The following FBN2 variants were observed in gnomAD, a reference collection of about 807,000 sequenced individuals.
The protein encoded by FBN2 is fibrillin 2.
In FBN2, 105 loss-of-function variants were observed where a neutral mutation model predicts 355.6. The observed-to-expected ratio is 0.30, with a 90% CI of 0.25 to 0.35. The LOEUF (loss-of-function observed/expected upper bound fraction) is 0.35, where lower values mean the gene tolerates loss of function less well. Among genes scored for constraint, FBN2 ranks in the 10% least tolerant of loss-of-function variants. The pLI is 1.00. For synonymous variants in FBN2, 1,350 were observed against 1,301.2 expected (o/e 1.04, Z -0.81); for missense variants, 3,280 against 3,758.7 (o/e 0.87, Z 3.33).
Position 128,376,861 on chromosome 5 carries a change from AGAGGATT to A in FBN2, c.1850-15_1850-9del, listed in dbSNP as rs1314516057. ...TTGTACATTCATCATGATCTGCAGA[AGAGGATT>A]GAGTGACTTTGAACACTGGCCTTGA... On this transcript the variant is annotated splice_polypyrimidine_tract_variant and intron_variant, in intron 13 of 64. Transcript: ENST00000262464. 6.2e-7 allele frequency: 1 copy of A among 1,612,922 alleles called. No homozygotes were observed. The highest frequency in any genetic ancestry group is 8.5e-7 in the Non-Finnish European group (1 of 1,179,398).
intron 5 of FBN2, among the ~76,000 whole-genome samples, chr5:128,503,459 G>A (rs1330124828): frequency 3.3e-5 from 5 of 152,168 alleles, no homozygotes; most frequent in African/African-American, 1.2e-4. Context: ...GAAGATGTGG[G>A]AAAGTTTGGA....
At chr5:128,498,767 T>C (rs1755725301) in intron 5 of FBN2, among the ~76,000 whole-genome samples, 1 of 152,140 alleles carries the variant, frequency 6.6e-6, no homozygotes, top group African/African-American at 2.4e-5. Flanking sequence ...GTGTGCAGGG[T>C]TACATTCCTT....
At chr5:128,494,847 T>C (rs180972324) in intron 5 of FBN2, among the ~76,000 whole-genome samples, 3 of 152,180 alleles carry the variant, frequency 2.0e-5, no homozygotes, top group African/African-American at 7.2e-5. Flanking sequence ...TGCTGCAGTA[T>C]CTTATTTTAA....
rs1320679161 is a variant in FBN2, at chr5:128,337,795, C to T, written c.3598+202G>A. The stretch of plus-strand genomic sequence containing the variant: ...GGCTTGTTATAAAAAAAGAGGCCAA[C>T]CAGAAGAATGCCAGCTTATTCGAGT... On this transcript the variant is annotated intron_variant, in intron 27 of 64. Coordinates refer to ENST00000262464, the MANE Select transcript of FBN2 (RefSeq NM_001999.4). Among the ~76,000 whole-genome samples the T allele has an allele frequency of 7.9e-5, 12 of 152,288 alleles. 2 individuals carry two copies. In the South Asian group the frequency reaches 1.7e-3, roughly 21 times the overall value.
At chr5:128,493,183 C>T (rs563419382) in intron 5 of FBN2, among the ~76,000 whole-genome samples, 5 of 152,204 alleles carry the variant, frequency 3.3e-5, no homozygotes, top group Admixed American at 3.3e-4. Flanking sequence ...ATGAGGGATT[C>T]TGAGAGGGGG....
intron 7 of FBN2, among the ~76,000 whole-genome samples, chr5:128,439,070 A>G (rs552897221): frequency 6.6e-6 from 1 of 152,330 alleles, no homozygotes; most frequent in South Asian, 2.1e-4. Context: ...ATCAATATAT[A>G]AAGTGTCTGC....
intron 6 of FBN2, among the ~76,000 whole-genome samples, chr5:128,451,448 G>T (rs1040094979): frequency 2.0e-5 from 3 of 152,110 alleles, no homozygotes; most frequent in South Asian, 2.1e-4. Context: ...TGCCCAGGTT[G>T]GAGTGCAATG....
At chr5:128,489,471 C>T (rs367775568) in intron 5 of FBN2, among the ~76,000 whole-genome samples, 2 of 152,082 alleles carry the variant, frequency 1.3e-5, no homozygotes, top group Non-Finnish European at 2.9e-5. Flanking sequence ...TATCTTTTCA[C>T]TTAAACATTT....
rs775848753 is a variant in FBN2 at position 128,274,618 on chromosome 5, A to C, written c.7660T>G (p.Phe2554Val). 42 of 1,612,884 alleles carry C rather than the reference A, an allele frequency of 2.6e-5. No homozygotes were observed. The Admixed American group carries it at 4.5e-4, about 17-fold the overall frequency. ...AAACCAGGTGGACATTTACAGGTAA[A>C]CCCCCCCAGGGTGTTGACACAGAGG... Reference protein sequence around the residue: ...QFLCVNTLGGFTCKCPPGFTQ... With the variant: ...QFLCVNTLGGVTCKCPPGFTQ... The change falls in exon 60 of 65, where the codon TTT (phenylalanine) becomes GTT (valine). Residue 2554 changes from phenylalanine (F) to valine (V), a missense_variant. This residue lies in a region of FBN2 where 2,284 missense variants were observed against 2,749.5 expected (regional missense o/e 0.83). Transcript: ENST00000262464.
chr5:128,327,417 G>T (rs994085644), intron 34 of FBN2, among the ~76,000 whole-genome samples: 1 of 152,100 alleles, frequency 6.6e-6, no homozygotes, highest in Non-Finnish European at 1.5e-5. Flanking sequence ...ATTTGGTTTT[G>T]TTTGGTTGAT....
chr5:128,269,566 A>G (rs1765213125), intron 62 of FBN2, among the ~76,000 whole-genome samples: 1 of 152,184 alleles, frequency 6.6e-6, no homozygotes, highest in Non-Finnish European at 1.5e-5. Context: ...AAGAATCACA[A>G]GCATTCCTAT....
intron 11 of FBN2, among the ~76,000 whole-genome samples, chr5:128,384,489 C>G (rs958854707): frequency 1.3e-5 from 2 of 152,070 alleles, no homozygotes; most frequent in African/African-American, 4.8e-5. Context: ...GTTTAAAAAT[C>G]TGCACAATAC....
chr5:128,501,957 A>G (rs1755828563), intron 5 of FBN2, among the ~76,000 whole-genome samples: 3 of 152,208 alleles, frequency 2.0e-5, no homozygotes, highest in Admixed American at 6.5e-5. Flanking sequence ...TCCAAAATTA[A>G]GGAAGAAGAC....
At chr5:128,478,546 T>C (rs1317663875) in intron 5 of FBN2, among the ~76,000 whole-genome samples, 1 of 152,210 alleles carries the variant, frequency 6.6e-6, no homozygotes, top group Non-Finnish European at 1.5e-5. Context: ...ACATAACTGC[T>C]TAGGGCTCTT....
chr5:128,461,446 T>C (rs1754552285), intron 6 of FBN2, among the ~76,000 whole-genome samples: 1 of 152,202 alleles, frequency 6.6e-6, no homozygotes, highest in African/African-American at 2.4e-5. Flanking sequence ...AGTATGGCGA[T>C]TCCTCAAGGG....
intron 31 of FBN2, among the ~76,000 whole-genome samples, chr5:128,334,446 A>G (rs1450204207): frequency 6.6e-6 from 1 of 152,152 alleles, no homozygotes; most frequent in Non-Finnish European, 1.5e-5. Context: ...AACGACCATA[A>G]GTGGTCAGGG....
At chr5:128,487,125 A>G (rs933789770) in intron 5 of FBN2, among the ~76,000 whole-genome samples, 2 of 152,180 alleles carry the variant, frequency 1.3e-5, no homozygotes, top group Non-Finnish European at 2.9e-5. Context: ...TGATATGAAA[A>G]CACAGAAGTG....
chr5:128,284,085 T>A (rs1581187026), intron 55 of FBN2, among the ~76,000 whole-genome samples: 1 of 152,198 alleles, frequency 6.6e-6, no homozygotes, highest in South Asian at 2.1e-4. Context: ...ACCACCTCCT[T>A]CAAATCCATT....
chr5:128,523,218 A>G (rs1333278850), intron 4 of FBN2, among the ~76,000 whole-genome samples: 2 of 152,168 alleles, frequency 1.3e-5, no homozygotes, highest in Non-Finnish European at 2.9e-5. Flanking sequence ...AGCATTCTAA[A>G]CCAAGTTAAA....
Sources: gnomAD v4.1 joint callset for allele counts (sites outside exome capture counted in the v4.1 genomes callset) on GRCh38, gnomAD v4.1.1 for gene constraint, gnomAD v4.1.1 regional missense constraint, MANE v1.5 for transcripts, NCBI Gene and HGNC (gene_info 2026-07-23, HGNC 2026-07-21) for gene names.